The following RORA variants were observed in gnomAD, a reference collection of about 807,000 sequenced individuals.
RORA encodes nuclear receptor ROR-alpha.
Under a neutral mutation model 69.5 loss-of-function variants are expected in RORA, and 7 were observed. The ratio of observed to expected loss-of-function variants is 0.10; its 90% CI spans 0.06 to 0.19. The LOEUF (loss-of-function observed/expected upper bound fraction) is 0.19. Ranked by LOEUF, RORA falls within the 10% of genes least tolerant of loss-of-function variation. The probability of loss-of-function intolerance (pLI) is 1.00; values close to 1 mark genes in which losing one functional copy is unlikely to be tolerated. For synonymous variants in RORA, 261 were observed against 240.8 expected (o/e 1.08, Z -0.78); for missense variants, 457 against 663.0 (o/e 0.69, Z 3.41).
chr15:60,810,249 T>C (rs181437698), intron 1 of RORA, among the ~76,000 whole-genome samples: 1 of 152,334 alleles, frequency 6.6e-6, no homozygotes, highest in African/African-American at 2.4e-5. Flanking sequence ...AATTCTACAC[T>C]GGAAACAATT....
intron 1 of RORA, among the ~76,000 whole-genome samples, chr15:60,816,577 T>C (rs2072817992): frequency 7.0e-6 from 1 of 143,468 alleles, no homozygotes; most frequent in South Asian, 2.2e-4. Flanking sequence ...TATGTATTTA[T>C]ATACTGTAAA....
chr15:60,535,731 C>A (rs890144483), intron 2 of RORA, among the ~76,000 whole-genome samples: 2 of 152,150 alleles, frequency 1.3e-5, no homozygotes, highest in African/African-American at 4.8e-5. Flanking sequence ...GCACCCAGTA[C>A]TTCATTCTGT....
chr15:60,697,375 C>T (rs557249812), intron 1 of RORA, among the ~76,000 whole-genome samples: 2 of 152,308 alleles, frequency 1.3e-5, no homozygotes, highest in South Asian at 4.1e-4. Flanking sequence ...GATGCTTTGT[C>T]TACCACACTG....
In RORA at chr15:60,511,211, C is replaced by A; in HGVS notation, c.820+15G>T. ...CATGAATAGAGCATCCCAGGAGAAG[C>A]ATGCATGCCATTACCTAATTCTGCC... On this transcript the variant is annotated intron_variant, in intron 5 of 10. Transcript: ENST00000335670. This position sits in a 1 kb window ranked among gnomAD's most constrained non-coding sequence, Gnocchi z 6.4. 4 of 1,600,174 alleles carry A rather than the reference C, an allele frequency of 2.5e-6. No individual in the cohort carries two copies. Among genetic ancestry groups the A allele is most frequent in the Non-Finnish European group, 3.4e-6 (4 of 1,172,852 alleles).
intron 1 of RORA, among the ~76,000 whole-genome samples, chr15:60,846,605 T>A (rs756037040): frequency 3.3e-5 from 5 of 152,230 alleles, no homozygotes; most frequent in Non-Finnish European, 4.4e-5. Flanking sequence ...GGCACCTTTG[T>A]ACTCACACAT....
At chr15:60,846,035 G>A (rs1442747753) in intron 1 of RORA, among the ~76,000 whole-genome samples, 3 of 152,178 alleles carry the variant, frequency 2.0e-5, no homozygotes, top group Non-Finnish European at 4.4e-5. Flanking sequence ...GTGAGCCACC[G>A]CGCCCAGCTG....
chr15:60,994,669 C>T (rs1894474099), intron 1 of RORA, among the ~76,000 whole-genome samples: 1 of 152,236 alleles, frequency 6.6e-6, no homozygotes, highest in Non-Finnish European at 1.5e-5. Context: ...AATGCAAAAA[C>T]TGTGACCAGA....
chr15:60,801,266 C>T (rs1457638537), intron 1 of RORA, among the ~76,000 whole-genome samples: 1 of 152,154 alleles, frequency 6.6e-6, no homozygotes, highest in African/African-American at 2.4e-5. Context: ...GTAGTGGCCT[C>T]CCCCTCCCCC....
intron 2 of RORA, among the ~76,000 whole-genome samples, chr15:60,609,934 C>T (rs1397089894): frequency 2.0e-5 from 3 of 152,066 alleles, no homozygotes; most frequent in East Asian, 1.9e-4. Flanking sequence ...GGGAGGAAAA[C>T]CATCAAAGGC....
At chr15:60,996,824 G>T (rs1048104907) in intron 1 of RORA, among the ~76,000 whole-genome samples, 1 of 151,910 alleles carries the variant, frequency 6.6e-6, no homozygotes, top group Non-Finnish European at 1.5e-5. Context: ...GCAGGAGAAT[G>T]GTGTGAACCC....
At chr15:60,765,127 TC>T (rs1369365096) in intron 1 of RORA, 1 of 152,056 alleles carries the variant, frequency 6.6e-6, no homozygotes, top group African/African-American at 2.4e-5. Context: ...ATTGGGAATA[TC>T]CTCGATCCCA....
At chr15:60,652,110 CTTTT>C (rs796682420) in intron 2 of RORA, among the ~76,000 whole-genome samples, 1 of 144,866 alleles carries the variant, frequency 6.9e-6, no homozygotes, top group African/African-American at 2.5e-5. Flanking sequence ...AGCAGACTGC[CTTTT>C]TTTTTTTTTC....
At chr15:60,770,174 A>G (rs1474766551) in intron 1 of RORA, among the ~76,000 whole-genome samples, 2 of 152,310 alleles carry the variant, frequency 1.3e-5, no homozygotes, top group East Asian at 3.9e-4. Flanking sequence ...AATGCTGCCC[A>G]TTTAAATTCT....
chr15:61,144,122 T>C (rs1393832038), intron 1 of RORA, among the ~76,000 whole-genome samples: 1 of 152,172 alleles, frequency 6.6e-6, no homozygotes, highest in Non-Finnish European at 1.5e-5. Context: ...TCTACTGGGC[T>C]CCCTGGGAAG....
chr15:60,616,357 CTTG>C (rs746023219), intron 2 of RORA, among the ~76,000 whole-genome samples: 6 of 152,180 alleles, frequency 3.9e-5, no homozygotes, highest in South Asian at 2.1e-4. Flanking sequence ...CATCTCTCAC[CTTG>C]TTGTCTGTTA....
chr15:60,904,074 AG>A (rs201086412), intron 1 of RORA, among the ~76,000 whole-genome samples: 3,078 of 152,342 alleles, frequency 0.02, 103 homozygotes, highest in African/African-American at 0.069. Context: ...TTTGCAGAGC[AG>A]TTAGTAGGTA....
At chr15:61,203,940 T>C (rs1290816817) in intron 1 of RORA, among the ~76,000 whole-genome samples, 1 of 152,208 alleles carries the variant, frequency 6.6e-6, no homozygotes, top group African/African-American at 2.4e-5. Context: ...TTCAAAATGT[T>C]TGCAGAGAGT....
At chr15:60,619,870 T>G (rs939689053) in intron 2 of RORA, among the ~76,000 whole-genome samples, 1 of 152,248 alleles carries the variant, frequency 6.6e-6, no homozygotes, top group Non-Finnish European at 1.5e-5. Flanking sequence ...ACCGCATCTT[T>G]GCCTGCTTTT....
intron 2 of RORA, chr15:60,677,281 T>C: frequency 2.3e-6 from 1 of 441,644 alleles, no homozygotes; most frequent in Non-Finnish European, 4.6e-6. Context: ...AATCTCTCAG[T>C]CATCATGAGC....
Sources: gnomAD v4.1 joint callset for allele counts (sites outside exome capture counted in the v4.1 genomes callset) on GRCh38, gnomAD v4.1.1 for gene constraint, Gnocchi (gnomAD v3.1) non-coding constraint, MANE v1.5 for transcripts, NCBI Gene and HGNC (gene_info 2026-07-23, HGNC 2026-07-21) for gene names.